Variants in C11orf21 observed in about 807,000 individuals in gnomAD.
C11orf21 encodes the protein chromosome 11 open reading frame 21, also known as uncharacterized protein C11orf21.
A neutral mutation model predicts 15.2 loss-of-function variants in C11orf21; 19 were observed. The observed-to-expected ratio is 1.25, with a 90% CI of 0.87 to 1.84. The LOEUF (loss-of-function observed/expected upper bound fraction) is 1.84, where lower values mean the gene tolerates loss of function less well. C11orf21 is among the 40% of genes most tolerant of loss of function. C11orf21 has a pLI of 0.00. For missense variants in C11orf21, 171 were observed against 174.4 expected (o/e 0.98, Z 0.11); for synonymous variants, 62 against 66.8 (o/e 0.93, Z 0.35).
chr11:2,301,238 C>A (rs1006013392), intron 1 of C11orf21: 10 of 221,986 alleles, frequency 4.5e-5, no homozygotes, highest in Non-Finnish European at 7.3e-5. Flanking sequence ...TGATGAGGTC[C>A]TGACCAAATG....
At chr11:2,300,909 C>T in intron 1 of C11orf21, 1 of 750,678 alleles carries the variant, frequency 1.3e-6, no homozygotes, top group Non-Finnish European at 2.2e-6. Context: ...ATACCTGCGC[C>T]CCAGTCTGAG....
rs1415807978 is a variant in C11orf21, at chr11:2,296,101, G to A, written c.*1849C>T. ...TTCCACACAAGCCAATTAGACGAGT[G>A]GAACGAGGCTGCAGTGGGGGTCACC... is the stretch of plus-strand genomic sequence containing the variant. On this transcript the variant is annotated 3_prime_UTR_variant, in exon 4 of 4. Coordinates refer to ENST00000381153, the MANE Select transcript of C11orf21 (RefSeq NM_001329958.2). The surrounding 1 kb of genome is among the most constrained non-coding windows in gnomAD (Gnocchi z 5.6). The A allele has an allele frequency of 1.3e-5, 2 of 152,104 alleles. No individual in the cohort carries two copies. Among genetic ancestry groups the A allele is most frequent in the Non-Finnish European group, 2.9e-5 (2 of 68,026 alleles). 9.4% of individuals were successfully genotyped at this position (152,104 alleles called of 1,614,324 possible). A position where few individuals can be genotyped will look rare whatever the true frequency, so the allele number is the denominator to read the frequency against.
At chr11:2,299,397 C>T in intron 3 of C11orf21, 31 bp downstream of exon 3, 1 of 1,537,524 alleles carries the variant, frequency 6.5e-7, no homozygotes, top group Non-Finnish European at 8.8e-7. Context: ...CAGGGGCCCC[C>T]AGGCTCCAGC....
At chr11:2,301,185 G>T (rs756921) in intron 1 of C11orf21, 203,532 of 246,444 alleles carry the variant, frequency 0.83, 85,528 homozygotes, top group Middle Eastern at 0.89. Context: ...CCACAGCCAC[G>T]CTGGGGTTGC....
At chr11:2,299,383 A>G (rs928175565) in intron 3 of C11orf21, 45 bp downstream of exon 3, 27 of 1,521,882 alleles carry the variant, frequency 1.8e-5, no homozygotes, top group Non-Finnish European at 2.3e-5. Flanking sequence ...GCTCACAGAC[A>G]GCACAGGGGC....
chr11:2,299,504 A>G lies in C11orf21; in HGVS notation c.351T>C (p.Ser117=). Residue 117 remains serine, a synonymous_variant, in exon 3 of 4, where the codon TCT becomes TCC. Transcript: ENST00000381153. The part of the protein sequence containing the change: ...WDLDLEAGPS[S]GKLCPRARRW... ...TCCTGGCCCGAGGACACAGCTTTCC[A>G]GAGGAGGGGCCTGCTTCTAAGTCCA... is the stretch of plus-strand genomic sequence containing the variant. The G allele has an allele frequency of 1.3e-6, 2 of 1,550,438 alleles. No individual in the cohort carries two copies. Among genetic ancestry groups the G allele is most frequent in the Non-Finnish European group, 1.7e-6 (2 of 1,146,960 alleles).
intron 1 of C11orf21, chr11:2,300,856 C>T (rs936963635): frequency 8.0e-7 from 1 of 1,251,394 alleles, no homozygotes; most frequent in Non-Finnish European, 1.1e-6. Context: ...GGCCTCCTGC[C>T]CCTAGACCTG....
At chr11:2,302,854 T>C (rs1457319722), upstream of C11orf21, 1 of 1,613,432 alleles carries the variant, frequency 6.2e-7, no homozygotes, top group Admixed American at 1.7e-5. Context: ...CTGCTGGGCC[T>C]CTCTGTGGCC....
intron 3 of C11orf21, 149 bp from the exon 4 acceptor site, chr11:2,298,070 T>C (rs866471666): frequency 2.6e-5 from 4 of 152,258 alleles, no homozygotes; most frequent in South Asian, 4.1e-4. Flanking sequence ...CACTATCTCA[T>C]TGCGGGGCAG....
chr11:2,301,021 C>A, intron 1 of C11orf21: 1 of 526,052 alleles, frequency 1.9e-6, no homozygotes, highest in East Asian at 3.4e-5. Flanking sequence ...GGGGCCAGAG[C>A]TGCAGAGGGT....
At chr11:2,300,317 G>GTGCGGGGTGGGCAGCGGTT (rs1847674717) in intron 2 of C11orf21, among the ~76,000 whole-genome samples, 1 of 126,952 alleles carries the variant, frequency 7.9e-6, no homozygotes, top group African/African-American at 3.0e-5. Flanking sequence ...GGGCAGCGGT[G>GTGCGGGGTGGGCAGCGGTT]TGCGGGGTGG....
chr11:2,300,368 A>G (rs868341578), intron 2 of C11orf21, among the ~76,000 whole-genome samples, 152 bp downstream of exon 2: 1 of 148,652 alleles, frequency 6.7e-6, no homozygotes, highest in African/African-American at 2.5e-5. Context: ...TGGGGTGGGC[A>G]GCAGCCTGCA....
intron 3 of C11orf21, 77 bp downstream of exon 3, chr11:2,299,351 C>A: frequency 7.0e-7 from 1 of 1,438,280 alleles, no homozygotes; most frequent in South Asian, 1.4e-5. Context: ...CTCTTGAGTG[C>A]CTCCCCGGTG....
In C11orf21 at chr11:2,296,105, C is replaced by T. The variant is rs1295460743; in HGVS notation, c.*1845G>A. Reference sequence around the variant, plus strand: ...ACACAAGCCAATTAGACGAGTGGAACGAGGCTGCAGTGGGGGTCACCACCC... The same window carrying T: ...ACACAAGCCAATTAGACGAGTGGAATGAGGCTGCAGTGGGGGTCACCACCC... On this transcript the variant is annotated 3_prime_UTR_variant, in exon 4 of 4. Transcript: ENST00000381153. The surrounding 1 kb of genome is among the most constrained non-coding windows in gnomAD (Gnocchi z 5.6). 4.6e-5 allele frequency: 7 copies of T among 152,186 alleles called. No individual in the cohort carries two copies. The highest frequency in any genetic ancestry group is 3.8e-4 in the East Asian group (2 of 5,196). 9.4% of individuals were successfully genotyped at this position (152,186 alleles called of 1,614,324 possible). A position where few individuals can be genotyped will look rare whatever the true frequency, so the allele number is the denominator to read the frequency against.
chr11:2,302,182 ATGCC>A, upstream of C11orf21: 1 of 1,398,534 alleles, frequency 7.2e-7, no homozygotes, highest in Non-Finnish European at 9.3e-7. Context: ...GGGTTGCCAA[ATGCC>A]AGATGCTGGT....
chr11:2,300,878 C>G (rs1364564306), intron 1 of C11orf21: 2 of 950,570 alleles, frequency 2.1e-6, no homozygotes, highest in Admixed American at 2.2e-5. Flanking sequence ...TACCTTCACT[C>G]TTGTTGCCAC....
Position 2,299,601 on chromosome 11 carries a change from T to G in C11orf21, c.254A>C (p.His85Pro). The change falls in exon 3 of 4, where the codon CAC (histidine) becomes CCC (proline). Residue 85 changes from histidine to proline, a missense_variant. Physicochemically the swap from His to Pro is moderately conservative, Grantham distance 77. Transcript: ENST00000381153. ...GAGACAGCAGCAGCAGGCAAGCCAG[T>G]GCAGAGCTGGGTGATCCACAGGTTC... ...AHEPVDHPAL[H>P]WLACCCCLSL... is the part of the protein sequence containing the mutation. The G allele has an allele frequency of 6.4e-7, 1 of 1,551,106 alleles. No individual in the cohort carries two copies. Among genetic ancestry groups the G allele is most frequent in the South Asian group, 1.2e-5 (1 of 84,066 alleles).
In C11orf21 at chr11:2,296,445, G is replaced by T. The variant is rs999706956; in HGVS notation, c.*1505C>A. Reference sequence around the variant, plus strand: ...CTCCTCTGACTATTAGATCCGATGGGTGTTTGTGTCCCCAGGAGTGGGTGT... The same window carrying T: ...CTCCTCTGACTATTAGATCCGATGGTTGTTTGTGTCCCCAGGAGTGGGTGT... On this transcript the variant is annotated 3_prime_UTR_variant, in exon 4 of 4. Coordinates refer to ENST00000381153, the MANE Select transcript of C11orf21 (RefSeq NM_001329958.2). The surrounding 1 kb of genome is among the most constrained non-coding windows in gnomAD (Gnocchi z 5.6). 2 of 152,204 alleles carry T rather than the reference G, an allele frequency of 1.3e-5. No individual in the cohort carries two copies. Among genetic ancestry groups the T allele is most frequent in the Non-Finnish European group, 1.5e-5 (1 of 68,068 alleles). 9.4% of individuals were successfully genotyped at this position (152,204 alleles called of 1,614,324 possible).
intron 3 of C11orf21, 73 bp downstream of exon 3, chr11:2,299,355 C>G: frequency 1.4e-6 from 2 of 1,456,760 alleles, no homozygotes; most frequent in Non-Finnish European, 1.8e-6. Flanking sequence ...TGAGTGCCTC[C>G]CCGGTGGGAG....
Sources: allele counts gnomAD v4.1 joint callset (sites outside exome capture counted in the v4.1 genomes callset), GRCh38; gene constraint gnomAD v4.1.1; non-coding constraint Gnocchi (gnomAD v3.1); transcripts MANE v1.5; gene names NCBI Gene and HGNC (gene_info 2026-07-23, HGNC 2026-07-21).